The following BTD variants were observed in gnomAD, a reference collection of about 807,000 sequenced individuals.
BTD encodes the protein biotinidase.
Under a neutral mutation model 17.7 loss-of-function variants are expected in BTD, and 13 were observed. The observed-to-expected ratio is 0.74, with a 90% CI of 0.48 to 1.17. The LOEUF is 1.17. Among genes scored for constraint, BTD ranks in the 50% most tolerant of loss-of-function variants. BTD has a pLI of 0.00. For synonymous variants in BTD, 240 were observed against 245.2 expected (o/e 0.98, Z 0.20); for missense variants, 674 against 650.4 (o/e 1.04, Z -0.39).
intron 1 of BTD, among the ~76,000 whole-genome samples, chr3:15,626,505 G>C (rs964255873): frequency 1.3e-5 from 2 of 152,182 alleles, no homozygotes; most frequent in African/African-American, 4.8e-5. Flanking sequence ...GTAGGACAGA[G>C]GCCAGGCATG....
intron 1 of BTD, chr3:15,632,513 A>G (rs1387130005): frequency 6.6e-6 from 1 of 152,210 alleles, no homozygotes; most frequent in South Asian, 2.1e-4. Context: ...TTACTCTCCT[A>G]TGTCAGATGC....
chr3:15,710,379 T>C (rs1417154871), exon 4 of BTD, among the ~76,000 whole-genome samples: 1 of 152,186 alleles, frequency 6.6e-6, no homozygotes, highest in Admixed American at 6.5e-5. Flanking sequence ...CACTCAAGTC[T>C]GTTGTCCCTC....
At chr3:15,601,480 C>G (rs368764854), upstream of BTD, 59 of 1,611,942 alleles carry the variant, frequency 3.7e-5, no homozygotes, top group Admixed American at 8.8e-4. Flanking sequence ...CCGAAAAGCT[C>G]TAAGCACTCA....
chr3:15,717,348 A>C (rs2073186426), downstream of BTD, among the ~76,000 whole-genome samples: 1 of 152,106 alleles, frequency 6.6e-6, no homozygotes, highest in Admixed American at 6.6e-5. Context: ...CTGATAATAA[A>C]ACCTATTCTA....
At chr3:15,673,503 G>A (rs1289769798) in intron 3 of BTD, among the ~76,000 whole-genome samples, 1 of 152,134 alleles carries the variant, frequency 6.6e-6, no homozygotes, top group Non-Finnish European at 1.5e-5. Flanking sequence ...TAGTGGAGAA[G>A]ACACAAAATC....
At chr3:15,683,568 C>T (rs1229902889) in intron 3 of BTD, among the ~76,000 whole-genome samples, 3 of 152,124 alleles carry the variant, frequency 2.0e-5, no homozygotes, top group Non-Finnish European at 4.4e-5. Flanking sequence ...GTTCAATGAG[C>T]AACAGATTTA....
At chr3:15,602,177 C>T in intron 1 of BTD, 1 of 1,404,590 alleles carries the variant, frequency 7.1e-7, no homozygotes, top group South Asian at 1.6e-5. Flanking sequence ...AATCCAGAAG[C>T]AGATGTGTAC....
chr3:15,721,618 T>C (rs1299857621), intron 4 of BTD, among the ~76,000 whole-genome samples: 3 of 152,256 alleles, frequency 2.0e-5, no homozygotes, highest in Non-Finnish European at 4.4e-5. Flanking sequence ...CGGCATGTTC[T>C]ATTTATTTAA....
At chr3:15,633,371 T>C (rs1471211445) in intron 1 of BTD, among the ~76,000 whole-genome samples, 3 of 152,212 alleles carry the variant, frequency 2.0e-5, no homozygotes, top group Non-Finnish European at 4.4e-5. Flanking sequence ...TGGTTGAATC[T>C]GCATAACCTC....
chr3:15,714,419 T>C (rs1177374393), downstream of BTD, among the ~76,000 whole-genome samples: 2 of 151,892 alleles, frequency 1.3e-5, no homozygotes, highest in African/African-American at 2.4e-5. Context: ...TGGTATTTTA[T>C]ACTCTTTAAT....
intron 1 of BTD, among the ~76,000 whole-genome samples, chr3:15,609,418 G>A (rs1225161710): frequency 2.0e-5 from 3 of 151,988 alleles, no homozygotes; most frequent in African/African-American, 7.3e-5. Flanking sequence ...TAGTTTTTTT[G>A]GAAACAGTGT....
At chr3:15,619,703 G>C (rs957618057) in intron 1 of BTD, among the ~76,000 whole-genome samples, 1 of 152,192 alleles carries the variant, frequency 6.6e-6, no homozygotes, top group Non-Finnish European at 1.5e-5. Flanking sequence ...GTATTAGTCT[G>C]AATTCTCTAG....
chr3:15,657,251 A>C (rs1486086534), downstream of BTD, among the ~76,000 whole-genome samples: 1 of 152,212 alleles, frequency 6.6e-6, no homozygotes, highest in Non-Finnish European at 1.5e-5. Flanking sequence ...TCTAGATTCA[A>C]GGAGAGGAAA....
intron 2 of BTD, among the ~76,000 whole-genome samples, chr3:15,639,536 C>T (rs1031902890): frequency 2.2e-4 from 33 of 152,204 alleles, no homozygotes; most frequent in Admixed American, 1.8e-3. Flanking sequence ...TCCTATAGGG[C>T]AAAACATTGT....
chr3:15,602,128 G>T, intron 1 of BTD: 1 of 1,426,344 alleles, frequency 7.0e-7, no homozygotes, highest in African/African-American at 1.4e-5. Context: ...TAACCTTGTG[G>T]TTTTATAGTC....
At chr3:15,696,285 C>T in intron 3 of BTD, 1 of 1,288,644 alleles carries the variant, frequency 7.8e-7, no homozygotes, top group African/African-American at 1.5e-5. Flanking sequence ...ATCCTAAATC[C>T]TGCATATTAA....
chr3:15,703,450 T>C (rs2070911114), intron 3 of BTD, among the ~76,000 whole-genome samples: 2 of 152,206 alleles, frequency 1.3e-5, no homozygotes, highest in African/African-American at 4.8e-5. Context: ...GGCAGAGCCC[T>C]CCCTCATGAA....
intron 3 of BTD, among the ~76,000 whole-genome samples, chr3:15,687,299 ACT>A (rs770591054): frequency 4.6e-5 from 7 of 151,984 alleles, no homozygotes; most frequent in Non-Finnish European, 8.8e-5. Flanking sequence ...TCAGTAGGGT[ACT>A]CTGTTATTTA....
chr3:15,654,849 C>T (rs2065855912), downstream of BTD, among the ~76,000 whole-genome samples: 2 of 152,172 alleles, frequency 1.3e-5, no homozygotes, highest in African/African-American at 4.8e-5. Context: ...ATTCTCCTGC[C>T]TCAGCCTCCC....
Sources: allele counts gnomAD v4.1 joint callset (sites outside exome capture counted in the v4.1 genomes callset), GRCh38; gene constraint gnomAD v4.1.1; transcripts MANE v1.5; gene names NCBI Gene and HGNC (gene_info 2026-07-23, HGNC 2026-07-21).